The following CA1 variants were observed in gnomAD, a reference collection of about 807,000 sequenced individuals.
CA1 encodes carbonate dehydratase I.
Under a neutral mutation model 28.8 loss-of-function variants are expected in CA1, and 27 were observed. That is an observed-to-expected ratio of 0.94 (90% CI 0.69 to 1.29). The LOEUF (loss-of-function observed/expected upper bound fraction) is 1.29, where lower values mean the gene tolerates loss of function less well. CA1 is among the 50% of genes most tolerant of loss of function. The probability of loss-of-function intolerance (pLI) is 0.00; values close to 1 mark genes in which losing one functional copy is unlikely to be tolerated. For synonymous variants in CA1, 121 were observed against 108.8 expected, an observed-to-expected ratio of 1.11 and a Z score of -0.70; for missense variants, 335 against 310.5, an observed-to-expected ratio of 1.08 and a Z score of -0.59.
chr8:85,368,112 T>G (rs1409778852), intron 1 of CA1, among the ~76,000 whole-genome samples: 3 of 151,916 alleles, frequency 2.0e-5, no homozygotes, highest in South Asian at 4.1e-4. Flanking sequence ...AGAATGTTTA[T>G]GAATCGCTTG....
chr8:85,361,384 A>G (rs1809791349), intron 1 of CA1, among the ~76,000 whole-genome samples: 1 of 152,156 alleles, frequency 6.6e-6, no homozygotes, highest in Non-Finnish European at 1.5e-5. Context: ...TGTTAAAGAG[A>G]TATCAGATGT....
intron 1 of CA1, among the ~76,000 whole-genome samples, chr8:85,354,309 A>G (rs1232645956): frequency 6.8e-6 from 1 of 148,100 alleles, no homozygotes; most frequent in East Asian, 1.9e-4. Flanking sequence ...TTTTTTTAAC[A>G]TAAGGAAAAA....
Position 85,370,437 on chromosome 8 carries a change from A to G in CA1, c.-25+7609T>C, listed in dbSNP as rs1050874306. Among the ~76,000 whole-genome samples the G allele has an allele frequency of 1.4e-4, 22 of 152,266 alleles. 1 individual carries two copies. Among genetic ancestry groups the G allele is most frequent in the Middle Eastern group, 6.8e-3 (2 of 294 alleles). ...TACTAAAACCTTGGAGTTTTTTAAAAAAAACTTTTAAAATCTTCTGGCTTT... is the reference window on the plus strand; with the variant it reads ...TACTAAAACCTTGGAGTTTTTTAAAGAAAACTTTTAAAATCTTCTGGCTTT... On this transcript the variant is annotated intron_variant, in intron 1 of 7. Coordinates refer to ENST00000523022, the MANE Select transcript of CA1 (RefSeq NM_001128831.4).
chr8:85,334,629 T>TCCC (rs1554694538), intron 4 of CA1, among the ~76,000 whole-genome samples: 1,686 of 139,028 alleles, frequency 0.012, 28 homozygotes, highest in East Asian at 0.069. Context: ...CCTTCCTTCC[T>TCCC]TCCTCCCTCC....
At chr8:85,377,349 G>A (rs1181576249) in intron 1 of CA1, among the ~76,000 whole-genome samples, 1 of 152,082 alleles carries the variant, frequency 6.6e-6, no homozygotes, top group East Asian at 1.9e-4. Context: ...ATACTAATGT[G>A]TCAGGCATTT....
chr8:85,329,686 T>C lies in CA1; in HGVS notation c.669+3A>G, dbSNP rs777137159. ...CCCAGTTCCCATTCATTCACAACTC[T>C]ACCTGCTCTGAGCTGACACTGATGC... On this transcript the variant is annotated splice_donor_region_variant and intron_variant, in intron 7 of 7. Transcript: ENST00000523022. The C allele has an allele frequency of 3.7e-6, 6 of 1,609,648 alleles. No individual in the cohort carries two copies. The highest frequency in any genetic ancestry group is 5.1e-6 in the Non-Finnish European group (6 of 1,177,260).
chr8:85,377,314 T>C (rs1407869226), intron 1 of CA1, among the ~76,000 whole-genome samples: 1 of 152,202 alleles, frequency 6.6e-6, no homozygotes, highest in Non-Finnish European at 1.5e-5. Context: ...TCCCTCCTTT[T>C]ATAAACTTGC....
intron 4 of CA1, among the ~76,000 whole-genome samples, chr8:85,334,088 A>G (rs954840843): frequency 6.6e-6 from 1 of 152,218 alleles, no homozygotes; most frequent in Non-Finnish European, 1.5e-5. Flanking sequence ...AAATATCTCC[A>G]GCTTAACGTC....
At chr8:85,364,056 G>A (rs1809913298) in intron 1 of CA1, among the ~76,000 whole-genome samples, 1 of 151,338 alleles carries the variant, frequency 6.6e-6, no homozygotes, top group African/African-American at 2.4e-5. Flanking sequence ...GCCCAGGCTG[G>A]TCTTGAGCTC....
chr8:85,377,429 A>C (rs376500604), intron 1 of CA1, among the ~76,000 whole-genome samples: 10 of 152,374 alleles, frequency 6.6e-5, no homozygotes, highest in East Asian at 3.9e-4. Context: ...AAGGAACTTA[A>C]TTAACCAAGT....
At chr8:85,365,692 G>A (rs1310815023) in intron 1 of CA1, among the ~76,000 whole-genome samples, 2 of 151,992 alleles carry the variant, frequency 1.3e-5, no homozygotes, top group African/African-American at 4.8e-5. Flanking sequence ...ATATAGCCTG[G>A]GCTTGTTAAT....
At chr8:85,338,713 T>C (rs1207006703) in intron 2 of CA1, among the ~76,000 whole-genome samples, 1 of 140,762 alleles carries the variant, frequency 7.1e-6, no homozygotes, top group South Asian at 2.2e-4. Context: ...TTTCTTTCTC[T>C]CTCTTTTTTT....
chr8:85,374,626 C>A (rs1489781684), intron 1 of CA1, among the ~76,000 whole-genome samples: 1 of 152,160 alleles, frequency 6.6e-6, no homozygotes, highest in African/African-American at 2.4e-5. Flanking sequence ...AAATTCTCTG[C>A]CTGCAGCTTT....
rs1810176098 is a variant in CA1 at position 85,370,483 on chromosome 8, T to C, written c.-25+7563A>G. Among the ~76,000 whole-genome samples, 3 of 152,132 alleles carry C rather than the reference T, an allele frequency of 2.0e-5. No individual in the cohort carries two copies. The South Asian group carries it at 6.2e-4, about 31-fold the overall frequency. On this transcript the variant is annotated intron_variant, in intron 1 of 7. Coordinates refer to ENST00000523022, the MANE Select transcript of CA1 (RefSeq NM_001128831.4). ...GCTTTGTTCTATTTTATTTTTATTT[T>C]TTAGAAAGAGATATGGGAACTTTAT...
chr8:85,364,123 G>A (rs1159519909), intron 1 of CA1, among the ~76,000 whole-genome samples: 3 of 152,152 alleles, frequency 2.0e-5, no homozygotes, highest in Admixed American at 6.5e-5. Flanking sequence ...TTACAGGCGT[G>A]AGCCACTGCA....
chr8:85,335,346 T>G (rs1039189063), intron 4 of CA1, among the ~76,000 whole-genome samples: 3 of 152,178 alleles, frequency 2.0e-5, no homozygotes, highest in Admixed American at 1.3e-4. Flanking sequence ...GGTGCTGGTC[T>G]AAGTGTGCTC....
chr8:85,339,754 G>A (rs963166666), intron 2 of CA1, among the ~76,000 whole-genome samples: 1 of 152,154 alleles, frequency 6.6e-6, no homozygotes, highest in Admixed American at 6.5e-5. Context: ...CAAATGATAA[G>A]AAAGCAAAGC....
chr8:85,333,600 A>G lies in CA1; in HGVS notation c.375T>C (p.Asn125=). 1.9e-6 allele frequency: 3 copies of G among 1,611,016 alleles called. No homozygotes were observed. The highest frequency in any genetic ancestry group is 2.5e-6 in the Non-Finnish European group (3 of 1,177,582). ...YSAELHVAHW[N]SAKYSSLAEA... is the part of the protein sequence containing the mutation. ...CAGCAAGGCTGGAGTACTTTGCAGA[A>G]TTCCAGTGAGCTACGTGAAGCTAAA... Residue 125 remains asparagine (N), a synonymous_variant, in exon 5 of 8, where the codon AAT becomes AAC. Transcript: ENST00000523022.
chr8:85,367,666 G>C (rs936345454), intron 1 of CA1, among the ~76,000 whole-genome samples: 18 of 152,196 alleles, frequency 1.2e-4, no homozygotes, highest in Non-Finnish European at 2.9e-5. Flanking sequence ...TGCATTTCTA[G>C]CAAGTCCCAG....
Sources: gnomAD v4.1 joint callset for allele counts (sites outside exome capture counted in the v4.1 genomes callset) on GRCh38, gnomAD v4.1.1 for gene constraint, MANE v1.5 for transcripts, NCBI Gene and HGNC (gene_info 2026-07-23, HGNC 2026-07-21) for gene names.